Variants in TUSC3 observed in about 807,000 individuals in gnomAD.
TUSC3 encodes dolichyl-diphosphooligosaccharide--protein glycosyltransferase subunit TUSC3.
TUSC3 carries 45 observed loss-of-function variants against 44.8 expected under a neutral mutation model. The ratio of observed to expected loss-of-function variants is 1.00; its 90% confidence interval spans 0.79 to 1.29. The LOEUF (loss-of-function observed/expected upper bound fraction) is 1.29. Among genes scored for constraint, TUSC3 ranks in the 50% most tolerant of loss-of-function variants. The pLI, the probability that TUSC3 is intolerant of heterozygous loss-of-function variation, is 0.00. For synonymous variants in TUSC3, 212 were observed against 152.9 expected (o/e 1.39, Z -2.85); for missense variants, 519 against 437.9 (o/e 1.19, Z -1.65).
Position 15,748,407 on chromosome 8 carries a change from T to C in TUSC3, c.970T>C (p.Phe324Leu). 2.5e-6 allele frequency: 4 copies of C among 1,613,420 alleles called. No homozygotes were observed. The highest frequency in any genetic ancestry group is 1.7e-6 in the Non-Finnish European group (2 of 1,179,530). ...CCTAGTGGGATTGGGCCTGGTGGTC[T>C]TCTTCTTCAGTTTTCTACTTTCAAT... The part of the protein sequence containing the change: ...ICLVGLGLVV[F>L]FFSFLLSIFR... The change falls in exon 9 of 11, where the codon TTC becomes CTC. Residue 324 changes from phenylalanine to leucine, a missense_variant. Transcript: ENST00000503731.
At chr8:15,594,206 A>T (rs918235349) in intron 1 of TUSC3, among the ~76,000 whole-genome samples, 1 of 152,042 alleles carries the variant, frequency 6.6e-6, no homozygotes, top group Non-Finnish European at 1.5e-5. Flanking sequence ...TAATCTTTTC[A>T]TCTGCTGTTA....
intron 6 of TUSC3, among the ~76,000 whole-genome samples, chr8:15,688,736 C>T (rs2129188630): frequency 6.6e-6 from 1 of 152,300 alleles, no homozygotes; most frequent in African/African-American, 2.4e-5. Flanking sequence ...CCTCTCCTCT[C>T]TGTATGCCAG....
At chr8:15,431,937 T>C (rs1029806010) in intron 1 of TUSC3, among the ~76,000 whole-genome samples, 1 of 135,332 alleles carries the variant, frequency 7.4e-6, no homozygotes, top group Non-Finnish European at 1.5e-5. Flanking sequence ...CATTTATTTA[T>C]GTTGCACTAT....
chr8:15,784,148 G>A, the TUSC3 span, among the ~76,000 whole-genome samples: 3 of 152,012 alleles, frequency 2.0e-5, no homozygotes, highest in East Asian at 1.9e-4. Context: ...CATGAGATAC[G>A]ACCTCACAAC....
chr8:15,805,146 G>A, the TUSC3 span, among the ~76,000 whole-genome samples: 1 of 152,106 alleles, frequency 6.6e-6, no homozygotes, highest in Non-Finnish European at 1.5e-5. Context: ...CGTTATTGGT[G>A]TATGGAAATG....
chr8:15,812,439 TG>T, the TUSC3 span, among the ~76,000 whole-genome samples: 7,666 of 152,300 alleles, frequency 0.05, 305 homozygotes, highest in African/African-American at 0.11. Flanking sequence ...TCTATTTTCC[TG>T]TGAAGGAAAT....
chr8:15,424,287 C>G (rs1228199607), intron 1 of TUSC3, among the ~76,000 whole-genome samples: 1 of 151,848 alleles, frequency 6.6e-6, no homozygotes, highest in Non-Finnish European at 1.5e-5. Flanking sequence ...AAGGTGGTCC[C>G]TGGCTGTCTC....
At chr8:15,577,971 G>T (rs1418632707) in intron 1 of TUSC3, among the ~76,000 whole-genome samples, 1 of 149,288 alleles carries the variant, frequency 6.7e-6, no homozygotes, top group South Asian at 2.1e-4. Flanking sequence ...CCATTTGTTT[G>T]TATCCTCTTT....
At chr8:15,564,450 GA>G (rs1462119050) in intron 1 of TUSC3, among the ~76,000 whole-genome samples, 1 of 152,062 alleles carries the variant, frequency 6.6e-6, no homozygotes, top group African/African-American at 2.4e-5. Context: ...GAATATTATT[GA>G]AAGATACTTA....
At chr8:15,573,795 C>T (rs1802982554) in intron 1 of TUSC3, among the ~76,000 whole-genome samples, 1 of 151,974 alleles carries the variant, frequency 6.6e-6, no homozygotes, top group South Asian at 2.1e-4. Context: ...ATGCTAACAT[C>T]ATCTAAACAT....
chr8:15,457,175 G>A (rs975597715), intron 1 of TUSC3, among the ~76,000 whole-genome samples: 1 of 129,372 alleles, frequency 7.7e-6, no homozygotes, highest in Non-Finnish European at 1.6e-5. Context: ...TGTGAGGTGG[G>A]GGGAGGGGGG....
At chr8:15,642,882 A>T (rs952950058) in intron 2 of TUSC3, among the ~76,000 whole-genome samples, 3 of 152,162 alleles carry the variant, frequency 2.0e-5, no homozygotes, top group Non-Finnish European at 4.4e-5. Flanking sequence ...GAATTAATTC[A>T]CCCATTTATT....
At position 15,595,823 on chromosome 8, in the gene TUSC3, T is replaced by G. The variant is rs149872231; in HGVS notation, c.139-27257T>G. On this transcript the variant is annotated intron_variant, in intron 1 of 10. Transcript: ENST00000503731. The stretch of plus-strand genomic sequence containing the variant: ...TATGTGTGTGGAAATAAAAATAGAC[T>G]TAAGATAATTTTTTGTCTTACAAGT... Among the ~76,000 whole-genome samples the G allele has an allele frequency of 7.8e-4, 119 of 152,286 alleles. No homozygotes were observed. In the Middle Eastern group the frequency reaches 0.014, roughly 17 times the overall value.
intron 2 of TUSC3, among the ~76,000 whole-genome samples, chr8:15,520,038 A>C (rs920939311): frequency 8.5e-5 from 13 of 152,192 alleles, no homozygotes; most frequent in African/African-American, 3.1e-4. Flanking sequence ...TGGAGCCCCC[A>C]GTGTGTACCT....
chr8:15,438,226 C>T (rs1335194677), intron 1 of TUSC3, among the ~76,000 whole-genome samples: 1 of 152,120 alleles, frequency 6.6e-6, no homozygotes, highest in Non-Finnish European at 1.5e-5. Context: ...TCCCAAGCAG[C>T]TAGGATTACA....
the TUSC3 span, among the ~76,000 whole-genome samples, chr8:15,823,190 C>A: frequency 2.8e-3 from 430 of 152,268 alleles, 11 homozygotes; most frequent in East Asian, 0.076. Flanking sequence ...CTGTTTAATG[C>A]TAGCTCTGTC....
At chr8:15,487,887 A>G (rs957566701) in intron 2 of TUSC3, among the ~76,000 whole-genome samples, 1 of 147,710 alleles carries the variant, frequency 6.8e-6, no homozygotes, top group African/African-American at 2.5e-5. Flanking sequence ...TTACTAGAAT[A>G]GTGTGCTGGC....
chr8:15,789,561 T>C, the TUSC3 span, among the ~76,000 whole-genome samples: 83 of 152,292 alleles, frequency 5.5e-4, no homozygotes, highest in Middle Eastern at 3.4e-3. Context: ...ATTCTGAACA[T>C]TCAAATCATT....
At chr8:15,540,669 G>C (rs554840620) in intron 1 of TUSC3, 101 bp downstream of exon 1, 5 of 1,416,870 alleles carry the variant, frequency 3.5e-6, no homozygotes, top group African/African-American at 3.0e-5. Context: ...CCTGGTCGCC[G>C]GCGTGGGCGA....
Sources: gnomAD v4.1 joint callset for allele counts (sites outside exome capture counted in the v4.1 genomes callset) on GRCh38, gnomAD v4.1.1 for gene constraint, MANE v1.5 for transcripts, NCBI Gene and HGNC (gene_info 2026-07-23, HGNC 2026-07-21) for gene names.